Variants in FETUB observed in about 807,000 individuals in gnomAD.
FETUB encodes the protein fetuin-B.
In FETUB, 28 loss-of-function variants were observed where a neutral mutation model predicts 30.9. That is an observed-to-expected ratio of 0.90 (90% confidence interval 0.67 to 1.24). The LOEUF is 1.24. Ranked by LOEUF, FETUB falls within the 50% of genes most tolerant of loss-of-function variation. The probability of loss-of-function intolerance (pLI) is 0.00; values close to 1 mark genes in which losing one functional copy is unlikely to be tolerated. For missense variants in FETUB, 469 were observed against 455.3 expected (o/e 1.03, Z -0.27); for synonymous variants, 186 against 175.9 (o/e 1.06, Z -0.45).
intron 5 of FETUB, among the ~76,000 whole-genome samples, chr3:186,649,392 A>G (rs1430653641): frequency 2.6e-5 from 4 of 152,174 alleles, no homozygotes; most frequent in African/African-American, 9.6e-5. Flanking sequence ...AATATATTGC[A>G]TAGCGGTGAA....
Position 186,652,496 on chromosome 3 carries a change from C to A in FETUB, c.1014C>A (p.Thr338=), listed in dbSNP as rs562009681. Residue 338 remains threonine, a synonymous_variant, in exon 7 of 7, where the codon ACC becomes ACA. Coordinates refer to ENST00000265029, the MANE Select transcript of FETUB (RefSeq NM_014375.3). ...TAACCACGAATCCCCAGGGAGAAAC[C>A]CTGGATATTTCCTTCCTCTTCCTGG... ...LDLTTNPQGE[T]LDISFLFLEP... is the part of the protein sequence containing the mutation. 6.2e-6 allele frequency: 10 copies of A among 1,614,160 alleles called. No individual in the cohort carries two copies. In the African/African-American group the frequency reaches 1.3e-4, roughly 22 times the overall value.
chr3:186,651,164 T>G, intron 5 of FETUB, 54 bp from the exon 6 acceptor site: 1 of 1,203,434 alleles, frequency 8.3e-7, no homozygotes, highest in East Asian at 2.3e-5. Flanking sequence ...AGCTAGTTGA[T>G]TTCCATCTGT....
At chr3:186,646,470 G>T (rs1368749639) in intron 5 of FETUB, 121 bp downstream of exon 5, 57 of 732,578 alleles carry the variant, frequency 7.8e-5, no homozygotes, top group Non-Finnish European at 1.2e-4. Context: ...CCCTCAAGGA[G>T]CATCTGACTA....
Position 186,644,812 on chromosome 3 carries a change from T to G in FETUB, c.486T>G (p.Ser162=). 6.2e-7 allele frequency: 1 copy of G among 1,613,990 alleles called. No individual in the cohort carries two copies. The highest frequency in any genetic ancestry group is 8.5e-7 in the Non-Finnish European group (1 of 1,179,970). ...PDCPSSIPTD[S]SNHQVLEAAT... Reference sequence around the variant, plus strand: ...GCCCAAGCTCCATACCCACTGACTCTTCCAATCACCAAGTGCTGGAGGCTG... The same window carrying G: ...GCCCAAGCTCCATACCCACTGACTCGTCCAATCACCAAGTGCTGGAGGCTG... The change falls in exon 4 of 7, where the codon TCT becomes TCG. Residue 162 remains serine, a synonymous_variant. Coordinates refer to ENST00000265029, the MANE Select transcript of FETUB (RefSeq NM_014375.3).
intron 6 of FETUB, 26 bp from the exon 7 acceptor site, chr3:186,652,237 T>C: frequency 1.3e-6 from 2 of 1,530,470 alleles, no homozygotes; most frequent in Non-Finnish European, 8.7e-7. Flanking sequence ...TGTGGAACTC[T>C]ACATTCAAAA....
chr3:186,648,780 T>C (rs187160823), intron 5 of FETUB, among the ~76,000 whole-genome samples: 16 of 152,372 alleles, frequency 1.1e-4, no homozygotes, highest in African/African-American at 3.6e-4. Context: ...AACTGTCTTC[T>C]TAATTTCATT....
In FETUB at chr3:186,641,066, G is replaced by A. The variant is rs767780751; in HGVS notation, c.262G>A (p.Val88Met). The A allele has an allele frequency of 3.7e-6, 6 of 1,613,760 alleles. No individual in the cohort carries two copies. Among genetic ancestry groups the A allele is most frequent in the Middle Eastern group, 1.6e-4 (1 of 6,084 alleles). ...LGSLFYLTLD[V>M]LETDCHVLRK... ...ATCTCTGTTCTATCTTACACTGGAT[G>A]TGCTAGAGACTGACTGCCATGTGCT... is the stretch of plus-strand genomic sequence containing the variant. The change falls in exon 2 of 7, where the codon GTG becomes ATG. Residue 88 changes from valine (V) to methionine (M), a missense_variant. Physicochemically the swap from Val to Met is conservative, Grantham distance 21. Transcript: ENST00000265029.
upstream of FETUB, chr3:186,636,193 A>G (rs2108509823): frequency 6.6e-6 from 1 of 152,394 alleles, no homozygotes; most frequent in East Asian, 1.9e-4. Flanking sequence ...CTGCGCCTAC[A>G]GCATCCTTGA....
intron 2 of FETUB, 87 bp downstream of exon 2, chr3:186,641,227 C>T: frequency 1.3e-6 from 1 of 778,716 alleles, no homozygotes; most frequent in Admixed American, 2.1e-5. Context: ...TGCTCAATAT[C>T]TGTCATCTTT....
intron 5 of FETUB, among the ~76,000 whole-genome samples, chr3:186,647,439 G>A (rs923487732): frequency 6.6e-6 from 1 of 152,098 alleles, no homozygotes; most frequent in Non-Finnish European, 1.5e-5. Context: ...GAATGCATCA[G>A]TTTTGCAATC....
chr3:186,641,257 TCTC>T (rs1560020020), intron 2 of FETUB, 117 bp downstream of exon 2: 4 of 666,030 alleles, frequency 6.0e-6, no homozygotes, highest in African/African-American at 5.4e-5. Flanking sequence ...CACTTTATAA[TCTC>T]CTGGCAGGTG....
At chr3:186,640,099 AG>A (rs1349112335), upstream of FETUB, among the ~76,000 whole-genome samples, 1 of 152,184 alleles carries the variant, frequency 6.6e-6, no homozygotes, top group Non-Finnish European at 1.5e-5. Flanking sequence ...CAAAGGTGTT[AG>A]GGGAGAGGGG....
chr3:186,643,807 G>A (rs2108523350), intron 3 of FETUB, among the ~76,000 whole-genome samples: 1 of 152,250 alleles, frequency 6.6e-6, no homozygotes, highest in South Asian at 2.1e-4. Flanking sequence ...TGTTTGCTCT[G>A]CAAAAGCAGC....
In FETUB at chr3:186,652,813, G is replaced by T; in HGVS notation, c.*182G>T. 1 of 673,768 alleles carries T rather than the reference G, an allele frequency of 1.5e-6. No homozygotes were observed. Among genetic ancestry groups the T allele is most frequent in the Non-Finnish European group, 2.4e-6 (1 of 411,906 alleles). 41.7% of individuals were successfully genotyped at this position (673,768 alleles called of 1,614,324 possible). A position where few individuals can be genotyped will look rare whatever the true frequency, so the allele number is the denominator to read the frequency against. Reference sequence around the variant, plus strand: ...TAATGAGACTGAGCCCTCGGCTTGGGCTGCACTCTACCCTGTACACTGCCT... The same window carrying T: ...TAATGAGACTGAGCCCTCGGCTTGGTCTGCACTCTACCCTGTACACTGCCT... On this transcript the variant is annotated 3_prime_UTR_variant, in exon 7 of 7. Transcript: ENST00000265029.
At position 186,640,583 on chromosome 3, in the gene FETUB, G is replaced by A. The variant is rs767409921; in HGVS notation, c.123G>A (p.Val41=). The A allele has an allele frequency of 1.9e-6, 3 of 1,613,066 alleles. No homozygotes were observed. The highest frequency in any genetic ancestry group is 2.5e-6 in the Non-Finnish European group (3 of 1,179,070). Residue 41 remains valine, a synonymous_variant, in exon 1 of 7, where the codon GTG becomes GTA. Coordinates refer to ENST00000265029, the MANE Select transcript of FETUB (RefSeq NM_014375.3). ...CCCGGGGCTGCAATGACTCAGATGT[G>A]CTGGCAGTTGCAGGCTTTGCCCTGC... is the stretch of plus-strand genomic sequence containing the variant. ...LLSRGCNDSD[V]LAVAGFALRD...
rs1275408570 is a variant in FETUB at position 186,652,769 on chromosome 3, T to C, written c.*138T>C. The stretch of plus-strand genomic sequence containing the variant: ...TTTTTGACTCTTCTTGGTCTCAGCA[T>C]GTTGACTGGGATTGGAAATAATGAG... On this transcript the variant is annotated 3_prime_UTR_variant, in exon 7 of 7. Coordinates refer to ENST00000265029, the MANE Select transcript of FETUB (RefSeq NM_014375.3). 2.9e-6 allele frequency: 3 copies of C among 1,023,932 alleles called. No individual in the cohort carries two copies. Among genetic ancestry groups the C allele is most frequent in the Non-Finnish European group, 4.1e-6 (3 of 725,142 alleles). 63.4% of individuals were successfully genotyped at this position (1,023,932 alleles called of 1,614,324 possible).
intron 4 of FETUB, among the ~76,000 whole-genome samples, 157 bp downstream of exon 4, chr3:186,645,077 A>G (rs1717390940): frequency 6.6e-6 from 1 of 152,178 alleles, no homozygotes; most frequent in Non-Finnish European, 1.5e-5. Flanking sequence ...TGCCCATTCT[A>G]TCATGTTTCA....
At chr3:186,644,649 T>C (rs1486020476) in intron 3 of FETUB, 102 bp from the exon 4 acceptor site, 1 of 798,004 alleles carries the variant, frequency 1.3e-6, no homozygotes, top group Non-Finnish European at 2.0e-6. Flanking sequence ...TCCAGGGGTA[T>C]ATTCCAGAGG....
At chr3:186,647,723 T>C (rs1717667361) in intron 5 of FETUB, among the ~76,000 whole-genome samples, 1 of 152,198 alleles carries the variant, frequency 6.6e-6, no homozygotes, top group Admixed American at 6.5e-5. Flanking sequence ...AGTCTTTACA[T>C]ATTCTAGATA....
Sources: allele counts gnomAD v4.1 joint callset (sites outside exome capture counted in the v4.1 genomes callset), GRCh38; gene constraint gnomAD v4.1.1; transcripts MANE v1.5; gene names NCBI Gene and HGNC (gene_info 2026-07-23, HGNC 2026-07-21).